Variants in FRRS1 observed in about 807,000 individuals in gnomAD.
FRRS1 encodes the protein ferric reductase 1.
Under a neutral mutation model 70.7 loss-of-function variants are expected in FRRS1, and 51 were observed. The observed-to-expected ratio is 0.72, with a 90% CI of 0.58 to 0.91. The LOEUF (loss-of-function observed/expected upper bound fraction) is 0.91. Among genes scored for constraint, FRRS1 ranks in the 40% least tolerant of loss-of-function variants. The probability of loss-of-function intolerance (pLI) is 0.00; values close to 1 mark genes in which losing one functional copy is unlikely to be tolerated. For missense variants in FRRS1, 672 were observed against 726.0 expected, an observed-to-expected ratio of 0.93 and a Z score of 0.86; for synonymous variants, 225 against 238.7, an observed-to-expected ratio of 0.94 and a Z score of 0.53.
chr1:99,733,558 G>A (rs1249469509), intron 7 of FRRS1, among the ~76,000 whole-genome samples: 1 of 152,190 alleles, frequency 6.6e-6, no homozygotes, highest in Non-Finnish European at 1.5e-5. Flanking sequence ...GCTTGAAAGG[G>A]CTCCCATTGG....
chr1:99,717,313 C>A, intron 11 of FRRS1, 97 bp downstream of exon 11: 1 of 824,116 alleles, frequency 1.2e-6, no homozygotes, highest in South Asian at 1.4e-5. Context: ...CAACTGCAAC[C>A]ACAAAACGCA....
At chr1:99,758,424 G>A (rs903420755) in intron 1 of FRRS1, among the ~76,000 whole-genome samples, 1 of 152,208 alleles carries the variant, frequency 6.6e-6, no homozygotes, top group Non-Finnish European at 1.5e-5. Flanking sequence ...TGGAGCCATG[G>A]CAGAGGAACA....
In FRRS1 at chr1:99,728,576, T is replaced by G; in HGVS notation, c.923A>C (p.Asn308Thr). 1 of 1,613,806 alleles carries G rather than the reference T, an allele frequency of 6.2e-7. No individual in the cohort carries two copies. Among genetic ancestry groups the G allele is most frequent in the African/African-American group, 1.3e-5 (1 of 75,036 alleles). The change falls in exon 9 of 17, where the codon AAC (asparagine) becomes ACC (threonine). Residue 308 changes from asparagine to threonine, a missense_variant. Asn to Thr is a moderately conservative substitution (Grantham distance 65). Coordinates refer to ENST00000646001, the MANE Select transcript of FRRS1 (RefSeq NM_001361041.2). Reference sequence around the variant, plus strand: ...ATTCTTAACTCCAGGAAGGGTAATGTTTCTTCTGAAAGAACACTGCATAAC... The same window carrying G: ...ATTCTTAACTCCAGGAAGGGTAATGGTTCTTCTGAAAGAACACTGCATAAC... ...DGVMQCSFRR[N>T]ITLPGVKNRF... is the part of the protein sequence containing the mutation.
rs1020127955 is a variant in FRRS1, at chr1:99,756,949, C to T, written c.-105-7948G>A. On this transcript the variant is annotated intron_variant, in intron 1 of 16. Transcript: ENST00000646001. ...CCTAAGATATGAGTGAAGCAGGTAC[C>T]GAGAGTCTTAATTAATGCATAGGTA... is the stretch of plus-strand genomic sequence containing the variant. Among the ~76,000 whole-genome samples, 34 of 152,042 alleles carry T rather than the reference C, an allele frequency of 2.2e-4. 1 individual carries two copies. Among genetic ancestry groups the T allele is most frequent in the Admixed American group, 7.9e-4 (12 of 15,278 alleles).
At chr1:99,736,379 G>T (rs1427692123) in intron 7 of FRRS1, among the ~76,000 whole-genome samples, 1 of 152,066 alleles carries the variant, frequency 6.6e-6, no homozygotes, top group African/African-American at 2.4e-5. Flanking sequence ...GGTATCTTTT[G>T]TATCTCATAG....
rs1245592013 is a variant in FRRS1 at position 99,729,552 on chromosome 1, G to A, written c.858+98C>T. ...CCTGCTCAGGCTAGGTGGAACTGTG[G>A]GGGTTGGAGGCAATCTAGCAGCACA... On this transcript the variant is annotated intron_variant, in intron 8 of 16. Transcript: ENST00000646001. 3 of 719,298 alleles carry A rather than the reference G, an allele frequency of 4.2e-6. No homozygotes were observed. In the African/African-American group the frequency reaches 5.2e-5, roughly 13 times the overall value. 44.6% of individuals were successfully genotyped at this position (719,298 alleles called of 1,614,324 possible). A position where few individuals can be genotyped will look rare whatever the true frequency, so the allele number is the denominator to read the frequency against.
chr1:99,764,371 C>G (rs1657258115), intron 1 of FRRS1, among the ~76,000 whole-genome samples: 1 of 151,942 alleles, frequency 6.6e-6, no homozygotes, highest in Non-Finnish European at 1.5e-5. Flanking sequence ...TCTTTAATGC[C>G]CTTTATAATG....
At chr1:99,718,802 CA>C (rs1452350435) in intron 10 of FRRS1, among the ~76,000 whole-genome samples, 1 of 152,072 alleles carries the variant, frequency 6.6e-6, no homozygotes, top group Non-Finnish European at 1.5e-5. Flanking sequence ...TATAATTAAT[CA>C]AAATCACAGG....
rs1398021726 is a variant in FRRS1 at position 99,748,705 on chromosome 1, T to C, written c.64A>G (p.Asn22Asp). 1.9e-6 allele frequency: 3 copies of C among 1,613,946 alleles called. No homozygotes were observed. Among genetic ancestry groups the C allele is most frequent in the African/African-American group, 1.3e-5 (1 of 74,926 alleles). The change falls in exon 3 of 17, where the codon AAT becomes GAT. Residue 22 changes from asparagine (N) to aspartate (D), a missense_variant. Transcript: ENST00000646001. ...TGTGTTACTTTTCCATTGGGATAAT[T>C]AGCCACATAACTAATGTGCAACAGA... is the stretch of plus-strand genomic sequence containing the variant. Reference protein sequence around the residue: ...ILLLHISYVANYPNGKVTQSC... With the variant: ...ILLLHISYVADYPNGKVTQSC...
chr1:99,715,036 A>G (rs947111018), intron 12 of FRRS1, among the ~76,000 whole-genome samples: 2 of 152,200 alleles, frequency 1.3e-5, no homozygotes, highest in Admixed American at 6.5e-5. Flanking sequence ...TAATAAAAAT[A>G]TATAGAGATG....
At chr1:99,742,070 G>A (rs1272618349) in intron 5 of FRRS1, 109 bp downstream of exon 5, 2 of 687,210 alleles carry the variant, frequency 2.9e-6, no homozygotes, top group Non-Finnish European at 5.1e-6. Context: ...GCCCAGGCCA[G>A]TCTCAAAATC....
intron 12 of FRRS1, among the ~76,000 whole-genome samples, chr1:99,712,728 T>C (rs184114482): frequency 2.4e-3 from 367 of 152,292 alleles, no homozygotes; most frequent in South Asian, 7.1e-3. Flanking sequence ...ACTACAATGT[T>C]TGACAACTGG....
chr1:99,717,565 G>A (rs772214974), intron 10 of FRRS1, 40 bp from the exon 11 acceptor site: 20 of 1,363,814 alleles, frequency 1.5e-5, no homozygotes, highest in Middle Eastern at 1.8e-4. Context: ...AATCACAAAC[G>A]AATCAAGCCA....
In FRRS1 at chr1:99,738,096, TC is replaced by T; in HGVS notation, c.748del (p.Asp250IlefsTer26). ...GTGAGAGGTACCAACCATCCACTGA[TC>T]ATGAGACAATGCAAAGGATAAATAG... ...KGYLSFALSH[D>X]QWMGDDDAYL... On this transcript the variant is annotated frameshift_variant, in exon 7 of 17. Coordinates refer to ENST00000646001, the MANE Select transcript of FRRS1 (RefSeq NM_001361041.2). LOFTEE classifies it high-confidence loss of function. 1 of 1,611,732 alleles carries T rather than the reference TC, an allele frequency of 6.2e-7. No individual in the cohort carries two copies. The highest frequency in any genetic ancestry group is 1.1e-5 in the South Asian group (1 of 90,860).
intron 9 of FRRS1, among the ~76,000 whole-genome samples, chr1:99,721,623 G>A (rs975576845): frequency 6.7e-6 from 1 of 150,230 alleles, no homozygotes; most frequent in East Asian, 2.0e-4. Context: ...TCTTGAGATG[G>A]AGTCTCACTC....
chr1:99,730,614 T>A (rs1655313669), intron 7 of FRRS1, among the ~76,000 whole-genome samples: 1 of 152,086 alleles, frequency 6.6e-6, no homozygotes, highest in Non-Finnish European at 1.5e-5. Context: ...ACGCCTGTAG[T>A]CCCAGCACTT....
rs1197290701 is a variant in FRRS1 at position 99,703,975 on chromosome 1, C to T, written c.*5053G>A. Among the ~76,000 whole-genome samples, 2 of 152,004 alleles carry T rather than the reference C, an allele frequency of 1.3e-5. No homozygotes were observed. The highest frequency in any genetic ancestry group is 2.9e-5 in the Non-Finnish European group (2 of 68,026). On this transcript the variant is annotated 3_prime_UTR_variant, in exon 17 of 17. Coordinates refer to ENST00000646001, the MANE Select transcript of FRRS1 (RefSeq NM_001361041.2). ...TCATATTAATACAATAGTCGTCCTGCGTCTGCTTTATTTTATTCAGCATAA... is the reference window on the plus strand; with the variant it reads ...TCATATTAATACAATAGTCGTCCTGTGTCTGCTTTATTTTATTCAGCATAA...
At chr1:99,729,367 C>A (rs891300124) in intron 8 of FRRS1, among the ~76,000 whole-genome samples, 11 of 152,204 alleles carry the variant, frequency 7.2e-5, no homozygotes, top group African/African-American at 2.4e-4. Context: ...GAAGCTGATG[C>A]CCTGACCATC....
intron 15 of FRRS1, among the ~76,000 whole-genome samples, chr1:99,709,716 C>G (rs1039380301): frequency 1.3e-5 from 2 of 152,082 alleles, no homozygotes; most frequent in Non-Finnish European, 2.9e-5. Context: ...ACCTGCAATC[C>G]CAGCACTTTG....
Sources: allele counts gnomAD v4.1 joint callset (sites outside exome capture counted in the v4.1 genomes callset), GRCh38; gene constraint gnomAD v4.1.1; transcripts MANE v1.5; gene names NCBI Gene and HGNC (gene_info 2026-07-23, HGNC 2026-07-21).